The following UBAC1 variants were observed in gnomAD, a reference collection of about 807,000 sequenced individuals.
UBAC1 encodes ubiquitin-associated domain-containing protein 1.
Under a neutral mutation model 45.9 loss-of-function variants are expected in UBAC1, and 27 were observed. The ratio of observed to expected loss-of-function variants is 0.59; its 90% CI spans 0.43 to 0.81. UBAC1 has a LOEUF of 0.81. Among genes scored for constraint, UBAC1 ranks in the 30% least tolerant of loss-of-function variants. The pLI is 0.00. For missense variants in UBAC1, 529 were observed against 539.2 expected (o/e 0.98, Z 0.19); for synonymous variants, 227 against 215.5 (o/e 1.05, Z -0.47).
chr9:135,947,746 TC>T, intron 4 of UBAC1, 51 bp downstream of exon 4: 1 of 1,437,434 alleles, frequency 7.0e-7, no homozygotes. Flanking sequence ...CCCACAGCAA[TC>T]CCCCACACGG....
chr9:135,939,550 C>T (rs1435227928), intron 8 of UBAC1, 123 bp downstream of exon 8: 4 of 929,436 alleles, frequency 4.3e-6, no homozygotes, highest in African/African-American at 1.7e-5. Flanking sequence ...TCACCACAGC[C>T]CACACTCACC....
At chr9:135,947,057 T>C (rs1290502662) in intron 4 of UBAC1, among the ~76,000 whole-genome samples, 2 of 152,228 alleles carry the variant, frequency 1.3e-5, no homozygotes, top group African/African-American at 4.8e-5. Flanking sequence ...GGTTCATTCC[T>C]AAAATGAAAC....
rs1197329757 is a variant in UBAC1 at position 135,946,497 on chromosome 9, C to T, written c.442-126G>A. On this transcript the variant is annotated intron_variant, in intron 4 of 9. Coordinates refer to ENST00000371756, the MANE Select transcript of UBAC1 (RefSeq NM_016172.3). ...GAGATGACATTGCTTTCTTGCAAGA[C>T]AGCAGGATCAGCTGAGGGCAAGGCA... 4.4e-6 allele frequency: 3 copies of T among 676,454 alleles called. No individual in the cohort carries two copies. The African/African-American group carries it at 5.3e-5, about 12-fold the overall frequency. 41.9% of individuals were successfully genotyped at this position (676,454 alleles called of 1,614,324 possible).
At chr9:135,956,496 T>C (rs948895329) in intron 1 of UBAC1, among the ~76,000 whole-genome samples, 1 of 152,186 alleles carries the variant, frequency 6.6e-6, no homozygotes, top group African/African-American at 2.4e-5. Flanking sequence ...GGTCGGCACA[T>C]GTGCCTGCAT....
chr9:135,949,827 G>A (rs1363185619), intron 3 of UBAC1, among the ~76,000 whole-genome samples: 1 of 152,274 alleles, frequency 6.6e-6, no homozygotes, highest in Non-Finnish European at 1.5e-5. Context: ...ACGCGGCACA[G>A]CCGACTGTGG....
chr9:135,936,023 C>T (rs1319310892), intron 9 of UBAC1, among the ~76,000 whole-genome samples: 1 of 139,328 alleles, frequency 7.2e-6, no homozygotes, highest in Admixed American at 7.3e-5. Flanking sequence ...GAGATTCCAT[C>T]TCAAAAAAAA....
rs2131086254 is a variant in UBAC1, at chr9:135,945,082, C to T, written c.822G>A (p.Leu274=). 1 of 1,609,606 alleles carries T rather than the reference C, an allele frequency of 6.2e-7. No individual in the cohort carries two copies. Among genetic ancestry groups the T allele is most frequent in the Middle Eastern group, 1.7e-4 (1 of 6,050 alleles). The part of the protein sequence containing the change: ...SATDEEARDE[L]TEIFKKIRRK... ...TCCGGATCTTCTTGAAGATTTCCGT[C>T]AGCTCATCTCTGGCCTCCTCATCGG... Residue 274 remains leucine, a synonymous_variant, in exon 7 of 10, where the codon CTG becomes CTA. Transcript: ENST00000371756.
intron 8 of UBAC1, 40 bp from the exon 9 acceptor site, chr9:135,938,400 C>T (rs1035524225): frequency 6.3e-7 from 1 of 1,599,464 alleles, no homozygotes; most frequent in African/African-American, 1.3e-5. Context: ...TTAGCGCCTT[C>T]AGTGCCTCCG....
At chr9:135,958,515 T>C (rs769215567) in intron 1 of UBAC1, among the ~76,000 whole-genome samples, 1 of 152,114 alleles carries the variant, frequency 6.6e-6, no homozygotes, top group Non-Finnish European at 1.5e-5. Context: ...AAACCCCTCC[T>C]TGATTCAGGA....
chr9:135,953,815 T>C (rs1458483333), intron 2 of UBAC1, 62 bp from the exon 3 acceptor site: 1 of 1,489,736 alleles, frequency 6.7e-7, no homozygotes, highest in Non-Finnish European at 9.3e-7. Context: ...CAAAATGGCA[T>C]AAAGGGTGCT....
chr9:135,938,875 C>T (rs1196157548), intron 8 of UBAC1, among the ~76,000 whole-genome samples: 3 of 152,376 alleles, frequency 2.0e-5, no homozygotes, highest in East Asian at 3.9e-4. Flanking sequence ...GCCCAGCTGG[C>T]ACACGGGCAC....
At chr9:135,937,996 G>GACTGTCTCTGAT (rs1839219425) in intron 9 of UBAC1, among the ~76,000 whole-genome samples, 1 of 152,174 alleles carries the variant, frequency 6.6e-6, no homozygotes, top group Non-Finnish European at 1.5e-5. Flanking sequence ...CAGGGTCATC[G>GACTGTCTCTGAT]CGCAGGAGAC....
chr9:135,948,736 G>A (rs759268780), intron 3 of UBAC1, among the ~76,000 whole-genome samples: 3 of 152,214 alleles, frequency 2.0e-5, no homozygotes, highest in Non-Finnish European at 2.9e-5. Flanking sequence ...CACCCAAAGC[G>A]CAGTGCCCCA....
In UBAC1 at chr9:135,947,841, G is replaced by A. The variant is rs1228558178; in HGVS notation, c.398C>T (p.Ser133Phe). The A allele has an allele frequency of 1.2e-6, 2 of 1,614,200 alleles. No individual in the cohort carries two copies. Among genetic ancestry groups the A allele is most frequent in the East Asian group, 4.5e-5 (2 of 44,878 alleles). ...GACCGCGGCCCGGTCCATGTTGTAG[G>A]AGGGCAGGTTGGCGGTGGCCCGCAG... ...AILRATANLP[S>F]YNMDRAAVQT... Residue 133 changes from serine (S) to phenylalanine (F), a missense_variant, in exon 4 of 10, where the codon TCC becomes TTC. Physicochemically the swap from Ser to Phe is radical, Grantham distance 155 (BLOSUM62 -2). Transcript: ENST00000371756.
At chr9:135,936,012 C>T (rs543366257) in intron 9 of UBAC1, among the ~76,000 whole-genome samples, 9 of 140,486 alleles carry the variant, frequency 6.4e-5, no homozygotes, top group South Asian at 2.2e-4. Flanking sequence ...GGTGACAGAG[C>T]GAGATTCCAT....
chr9:135,950,745 A>C (rs1341985560), intron 3 of UBAC1, among the ~76,000 whole-genome samples: 1 of 152,194 alleles, frequency 6.6e-6, no homozygotes, highest in Non-Finnish European at 1.5e-5. Flanking sequence ...AAGGAATAAT[A>C]ATATACACAT....
chr9:135,939,872 G>A (rs1291208464), intron 7 of UBAC1, 113 bp from the exon 8 acceptor site: 2 of 803,386 alleles, frequency 2.5e-6, no homozygotes, highest in African/African-American at 3.4e-5. Context: ...GCTCCCAACA[G>A]CACTGAGGAC....
intron 7 of UBAC1, among the ~76,000 whole-genome samples, chr9:135,941,200 G>A (rs1450700736): frequency 6.6e-6 from 1 of 152,164 alleles, no homozygotes; most frequent in Non-Finnish European, 1.5e-5. Context: ...GAGGTCAGGA[G>A]TTTGAGACCA....
In UBAC1 at chr9:135,938,331, G is replaced by A. The variant is rs768174940; in HGVS notation, c.993C>T (p.Pro331=). The change falls in exon 9 of 10, where the codon CCC becomes CCT. Residue 331 remains proline, a synonymous_variant. Coordinates refer to ENST00000371756, the MANE Select transcript of UBAC1 (RefSeq NM_016172.3). ...TGCCCTTGTCCAGCTCCTCCGGAGA[G>A]GGCTTCCGGTCCCCCAGCAGCCACT... ...ACEWLLGDRK[P]SPEELDKGID... is the part of the protein sequence containing the mutation. 9 of 1,613,916 alleles carry A rather than the reference G, an allele frequency of 5.6e-6. No homozygotes were observed. The highest frequency in any genetic ancestry group is 1.7e-5 in the Admixed American group (1 of 60,012).
Sources: gnomAD v4.1 joint callset for allele counts (sites outside exome capture counted in the v4.1 genomes callset) on GRCh38, gnomAD v4.1.1 for gene constraint, MANE v1.5 for transcripts, NCBI Gene and HGNC (gene_info 2026-07-23, HGNC 2026-07-21) for gene names.